Variants in FAT3 observed in about 807,000 individuals in gnomAD.
FAT3 encodes protocadherin Fat 3.
FAT3 carries 95 observed loss-of-function variants against 310.2 expected under a neutral mutation model. That is an observed-to-expected ratio of 0.31 (90% CI 0.26 to 0.36). The LOEUF is 0.36. Among genes scored for constraint, FAT3 ranks in the 10% least tolerant of loss-of-function variants. The pLI, the probability that FAT3 is intolerant of heterozygous loss-of-function variation, is 1.00. For synonymous variants in FAT3, 2,314 were observed against 2,192.9 expected, an observed-to-expected ratio of 1.06 and a Z score of -1.54; for missense variants, 5,408 against 5,715.6, an observed-to-expected ratio of 0.95 and a Z score of 1.74.
chr11:92,354,655 C>T lies in FAT3; in HGVS notation c.2543C>T (p.Thr848Ile). The T allele has an allele frequency of 1.2e-6, 2 of 1,613,838 alleles. No homozygotes were observed. The highest frequency in any genetic ancestry group is 1.7e-6 in the Non-Finnish European group (2 of 1,179,860). ...VNILESSGIG[T>I]EIIQVEARDK... ...ATTCTTGAAAGTTCAGGCATTGGTA[C>T]TGAAATCATTCAAGTGGAAGCCAGA... The change falls in exon 2 of 28, where the codon ACT becomes ATT. Residue 848 changes from threonine to isoleucine, a missense_variant. Around this residue, in one of 5 missense-constraint regions of FAT3, gnomAD observed 4,588 missense variants for 4,809.8 expected, o/e 0.95. Transcript: ENST00000525166.
At chr11:92,458,737 A>G (rs1951564810) in intron 2 of FAT3, among the ~76,000 whole-genome samples, 1 of 152,198 alleles carries the variant, frequency 6.6e-6, no homozygotes, top group Non-Finnish European at 1.5e-5. Flanking sequence ...AATATACTAT[A>G]GAGAAAAATG....
chr11:92,285,569 G>A (rs910520389), intron 1 of FAT3, among the ~76,000 whole-genome samples: 1 of 152,104 alleles, frequency 6.6e-6, no homozygotes, highest in African/African-American at 2.4e-5. Context: ...CAACACAAGT[G>A]GCTATTGATC....
At chr11:92,817,015 A>C (rs926956756) in intron 13 of FAT3, among the ~76,000 whole-genome samples, 4 of 152,018 alleles carry the variant, frequency 2.6e-5, no homozygotes, top group African/African-American at 7.2e-5. Flanking sequence ...AGTAAAAGGA[A>C]AGAGAGGCAG....
At chr11:92,620,067 A>G (rs1173548656) in intron 3 of FAT3, among the ~76,000 whole-genome samples, 2 of 151,982 alleles carry the variant, frequency 1.3e-5, no homozygotes, top group African/African-American at 4.8e-5. Flanking sequence ...ATTTATTTCA[A>G]AGTATTTCTA....
intron 4 of FAT3, among the ~76,000 whole-genome samples, chr11:92,704,761 C>G (rs1172777614): frequency 6.6e-6 from 1 of 152,126 alleles, no homozygotes; most frequent in Non-Finnish European, 1.5e-5. Flanking sequence ...TCATTTCAGG[C>G]ACTTTAGTCT....
chr11:92,351,066 G>A (rs10830900), intron 1 of FAT3, among the ~76,000 whole-genome samples: 11,309 of 152,186 alleles, frequency 0.074, 587 homozygotes, highest in African/African-American at 0.14. Flanking sequence ...TCATGAAACT[G>A]TAGAAACTGT....
chr11:92,836,620 G>A lies in FAT3; in HGVS notation c.10141G>A (p.Val3381Met). 6.2e-7 allele frequency: 1 copy of A among 1,613,758 alleles called. No homozygotes were observed. The highest frequency in any genetic ancestry group is 8.5e-7 in the Non-Finnish European group (1 of 1,179,756). Reference sequence around the variant, plus strand: ...CAACGGACAGATTCATTTTTCCATTGTGAATGGAGATCGGGACAATGAATT... The same window carrying A: ...CAACGGACAGATTCATTTTTCCATTATGAATGGAGATCGGGACAATGAATT... ...QPNGQIHFSI[V>M]NGDRDNEFTV... is the part of the protein sequence containing the mutation. The change falls in exon 16 of 28, where the codon GTG (valine) becomes ATG (methionine). Residue 3381 changes from valine to methionine, a missense_variant. Val to Met is a conservative substitution (Grantham distance 21). Around this residue, in one of 5 missense-constraint regions of FAT3, gnomAD observed 4,588 missense variants for 4,809.8 expected, o/e 0.95. Transcript: ENST00000525166.
intron 4 of FAT3, among the ~76,000 whole-genome samples, chr11:92,740,870 G>A (rs1945488068): frequency 6.6e-6 from 1 of 152,010 alleles, no homozygotes; most frequent in Admixed American, 6.6e-5. Context: ...TTTGTGATTG[G>A]TTTCATTTTC....
chr11:92,810,742 G>C lies in FAT3; in HGVS notation c.9481+666G>C, dbSNP rs118055917. The stretch of plus-strand genomic sequence containing the variant: ...CATAATGAGATGGTGAGTTAGAAAA[G>C]ACTGGAGTTAATTGCTAGGTAGACC... On this transcript the variant is annotated intron_variant, in intron 13 of 27. Transcript: ENST00000525166. Among the ~76,000 whole-genome samples, 6 of 152,222 alleles carry C rather than the reference G, an allele frequency of 3.9e-5. No individual in the cohort carries two copies. In the South Asian group the frequency reaches 6.2e-4, roughly 16 times the overall value.
At chr11:92,609,422 T>G (rs1277270463) in intron 3 of FAT3, among the ~76,000 whole-genome samples, 5 of 152,222 alleles carry the variant, frequency 3.3e-5, no homozygotes, top group African/African-American at 1.2e-4. Context: ...ATATTTGATG[T>G]AATGCACATT....
In FAT3 at chr11:92,352,568, T is replaced by C. The variant is rs1948597741; in HGVS notation, c.456T>C (p.Asn152=). Residue 152 remains asparagine (N), a synonymous_variant, in exon 2 of 28, where the codon AAT becomes AAC. Transcript: ENST00000525166. ...TGAATATACAGGTTTTAGATATGAA[T>C]GATCTGAGACCTTTGTTTTCACCCA... ...TKVNIQVLDM[N]DLRPLFSPTT... is the part of the protein sequence containing the mutation. 3 of 1,613,730 alleles carry C rather than the reference T, an allele frequency of 1.9e-6. No individual in the cohort carries two copies. The African/African-American group carries it at 4.0e-5, about 22-fold the overall frequency.
In FAT3 at chr11:92,606,595, T is replaced by C. The variant is rs150422786; in HGVS notation, c.3607+81647T>C. On this transcript the variant is annotated intron_variant, in intron 3 of 27. Transcript: ENST00000525166. The stretch of plus-strand genomic sequence containing the variant: ...AAAAGCACTCTCATTTGTTGAGTGC[T>C]GTCTCAGTGTCAGTCATTCTGCTAA... Among the ~76,000 whole-genome samples, 389 of 152,334 alleles carry C rather than the reference T, an allele frequency of 2.6e-3. 2 individuals carry two copies. Among genetic ancestry groups the C allele is most frequent in the African/African-American group, 9.1e-3 (377 of 41,584 alleles).
intron 2 of FAT3, among the ~76,000 whole-genome samples, chr11:92,428,940 T>A (rs1950701702): frequency 6.6e-6 from 1 of 152,122 alleles, no homozygotes; most frequent in African/African-American, 2.4e-5. Context: ...TCCTTGTTAA[T>A]TTTCTGTCTT....
At chr11:92,451,251 G>A (rs551357926) in intron 2 of FAT3, among the ~76,000 whole-genome samples, 1 of 152,266 alleles carries the variant, frequency 6.6e-6, no homozygotes, top group East Asian at 1.9e-4. Context: ...AGGTTCATTG[G>A]TGGGTCACTC....
At chr11:92,505,641 T>C (rs1953077364) in intron 2 of FAT3, among the ~76,000 whole-genome samples, 1 of 152,178 alleles carries the variant, frequency 6.6e-6, no homozygotes, top group Non-Finnish European at 1.5e-5. Context: ...TTAGCAGCTC[T>C]TCCTATTTCT....
In FAT3 at chr11:92,880,857, A is replaced by G. The variant is rs757406691; in HGVS notation, c.12254A>G (p.Asn4085Ser). 2.0e-5 allele frequency: 32 copies of G among 1,613,854 alleles called. No individual in the cohort carries two copies. In the East Asian group the frequency reaches 2.2e-4, roughly 11 times the overall value. Residue 4085 changes from asparagine to serine, a missense_variant, in exon 23 of 28, where the codon AAT becomes AGT. By Grantham distance (46) the Asn-to-Ser change is conservative. Transcript: ENST00000525166. The stretch of plus-strand genomic sequence containing the variant: ...CCAATAGGAAACACTTTCATCTGCA[A>G]TTGTAAAGCTGGGCTCACTGGAGTC... ...CDPIGNTFICNCKAGLTGVTC... is the reference protein window; with the variant it reads ...CDPIGNTFICSCKAGLTGVTC...
At chr11:92,688,707 G>A (rs1943707364) in intron 3 of FAT3, among the ~76,000 whole-genome samples, 1 of 152,112 alleles carries the variant, frequency 6.6e-6, no homozygotes, top group African/African-American at 2.4e-5. Context: ...AGGTCTGGGG[G>A]GAGCCTACAA....
chr11:92,428,621 T>C (rs1180904084), intron 2 of FAT3, among the ~76,000 whole-genome samples: 4 of 152,214 alleles, frequency 2.6e-5, no homozygotes, highest in Non-Finnish European at 5.9e-5. Context: ...TATTTATTTC[T>C]ACCTCAATTT....
intron 2 of FAT3, among the ~76,000 whole-genome samples, chr11:92,365,822 A>G (rs1478339018): frequency 6.6e-6 from 1 of 152,218 alleles, no homozygotes; most frequent in Non-Finnish European, 1.5e-5. Context: ...AGCTTATCCC[A>G]TATTGGTGTG....
Sources: allele counts gnomAD v4.1 joint callset (sites outside exome capture counted in the v4.1 genomes callset), GRCh38; gene constraint gnomAD v4.1.1; regional missense constraint gnomAD v4.1.1; transcripts MANE v1.5; gene names NCBI Gene and HGNC (gene_info 2026-07-23, HGNC 2026-07-21).